The following EEF2 variants were observed in gnomAD, a reference collection of about 807,000 sequenced individuals.
EEF2 encodes eukaryotic translation elongation factor 2, also known as elongation factor 2.
Under a neutral mutation model 85.3 loss-of-function variants are expected in EEF2, and 21 were observed. That is an observed-to-expected ratio of 0.25 (90% CI 0.17 to 0.35). The LOEUF (loss-of-function observed/expected upper bound fraction) is 0.35. Ranked by LOEUF, EEF2 falls within the 10% of genes least tolerant of loss-of-function variation. EEF2 has a pLI of 1.00. For missense variants in EEF2, 825 were observed against 1,225.3 expected (o/e 0.67, Z 4.88); for synonymous variants, 723 against 508.8 (o/e 1.42, Z -5.67).
At chr19:3,981,839 GC>G (rs2145363451) in intron 6 of EEF2, 107 bp downstream of exon 6, 1 of 993,616 alleles carries the variant, frequency 1.0e-6, no homozygotes. Context: ...TCTCGCATCT[GC>G]CCCACAAGGA....
chr19:3,980,961 G>C lies in EEF2; in HGVS notation c.1030C>G (p.Leu344Val). ...PLLKAVMRRW[L>V]PAGDALLQMI... is the part of the protein sequence containing the mutation. Reference sequence around the variant, plus strand: ...TGCAACAAGGCGTCTCCGGCAGGCAGCCAGCGGCGCATCACAGCCTGCGGG... The same window carrying C: ...TGCAACAAGGCGTCTCCGGCAGGCACCCAGCGGCGCATCACAGCCTGCGGG... The change falls in exon 8 of 15, where the codon CTG becomes GTG. Residue 344 changes from leucine (L) to valine (V), a missense_variant. Physicochemically the swap from Leu to Val is conservative, Grantham distance 32. Transcript: ENST00000309311. The C allele has an allele frequency of 1.2e-5, 19 of 1,573,514 alleles. No individual in the cohort carries two copies. Among genetic ancestry groups the C allele is most frequent in the Non-Finnish European group, 1.6e-5 (19 of 1,160,808 alleles).
At position 3,977,077 on chromosome 19, in the gene EEF2, C is replaced by G; in HGVS notation, c.2383+138G>C. Reference sequence around the variant, plus strand: ...GTGATTTAGGGGGTCCACAAGCTGTCAGAAACTGGACCACCTGCTCCATCC... The same window carrying G: ...GTGATTTAGGGGGTCCACAAGCTGTGAGAAACTGGACCACCTGCTCCATCC... On this transcript the variant is annotated intron_variant, in intron 14 of 14. Coordinates refer to ENST00000309311, the MANE Select transcript of EEF2 (RefSeq NM_001961.4). This position sits in a 1 kb window ranked among gnomAD's most constrained non-coding sequence, Gnocchi z 5.4. 2.3e-6 allele frequency: 3 copies of G among 1,313,554 alleles called. No individual in the cohort carries two copies. In the South Asian group the frequency reaches 4.4e-5, roughly 19 times the overall value. The allele number at this position is 1,313,554 out of a possible 1,614,324, so 81.4% of individuals were successfully genotyped here. A position where few individuals can be genotyped will look rare whatever the true frequency, so the allele number is the denominator to read the frequency against.
chr19:3,976,429 C>A lies in EEF2; in HGVS notation c.*125G>T. 8.9e-7 allele frequency: 1 copy of A among 1,126,576 alleles called. No homozygotes were observed. Among genetic ancestry groups the A allele is most frequent in the Non-Finnish European group, 1.2e-6 (1 of 804,248 alleles). The allele number at this position is 1,126,576 out of a possible 1,614,324, so 69.8% of individuals were successfully genotyped here. On this transcript the variant is annotated 3_prime_UTR_variant, in exon 15 of 15. Transcript: ENST00000309311. ...GTTGAGTGATGGCACGCAGCGGGCC[C>A]CAGAAACCTCTCAGGGGAGCGTCGC...
chr19:3,979,762 T>TCC (rs780591593), intron 10 of EEF2, 46 bp downstream of exon 10: 1 of 1,588,400 alleles, frequency 6.3e-7, no homozygotes. Flanking sequence ...ACACAAGCCG[T>TCC]CCCCCCTCAG....
At chr19:3,982,772 C>T (rs542512586) in intron 4 of EEF2, 35 bp downstream of exon 4, 20 of 1,585,616 alleles carry the variant, frequency 1.3e-5, no homozygotes, top group Middle Eastern at 1.7e-4. Context: ...GATCCCGCTG[C>T]GGCAAGCCCA....
At chr19:3,981,166 G>A (rs940527600) in intron 7 of EEF2, among the ~76,000 whole-genome samples, 173 bp downstream of exon 7, 7 of 152,240 alleles carry the variant, frequency 4.6e-5, no homozygotes, top group East Asian at 1.9e-4. Context: ...CACCTGTCCC[G>A]GATGGGGCTG....
chr19:3,977,006 G>A lies in EEF2; in HGVS notation c.2383+209C>T, dbSNP rs913210829. Among the ~76,000 whole-genome samples the A allele has an allele frequency of 3.3e-5, 5 of 152,208 alleles. No individual in the cohort carries two copies. On this transcript the variant is annotated intron_variant, in intron 14 of 14. Transcript: ENST00000309311. This position sits in a 1 kb window ranked among gnomAD's most constrained non-coding sequence, Gnocchi z 5.4. ...AGGCCTTCAGAGCTCCAGGCCCAGA[G>A]CCCTTCTCACACTGGGGATAGGAGA...
chr19:3,985,390 T>C lies in EEF2; in HGVS notation c.-10A>G. ...CAGGGTTACTCACCATGGTGGCGGA[T>C]GGCGGTGGATTCTCCCAGGTAGAAC... On this transcript the variant is annotated 5_prime_UTR_variant, in exon 1 of 15. Transcript: ENST00000309311. The C allele has an allele frequency of 6.6e-7, 1 of 1,512,036 alleles. No individual in the cohort carries two copies. The highest frequency in any genetic ancestry group is 1.3e-5 in the South Asian group (1 of 79,504). The allele number at this position is 1,512,036 out of a possible 1,614,324, so 93.7% of individuals were successfully genotyped here.
chr19:3,983,297 G>A lies in EEF2; in HGVS notation c.219-6C>T, dbSNP rs753675023. 4 of 1,611,992 alleles carry A rather than the reference G, an allele frequency of 2.5e-6. No individual in the cohort carries two copies. Among genetic ancestry groups the A allele is most frequent in the South Asian group, 2.2e-5 (2 of 90,890 alleles). Reference sequence around the variant, plus strand: ...CGTAGAAGAGGGAGATGGCACTGATGGAGGGAGGGACTCGTCAGGGGGACA... The same window carrying A: ...CGTAGAAGAGGGAGATGGCACTGATAGAGGGAGGGACTCGTCAGGGGGACA... On this transcript the variant is annotated splice_polypyrimidine_tract_variant and splice_region_variant and intron_variant, in intron 2 of 14. Transcript: ENST00000309311.
rs756738121 is a variant in EEF2 at position 3,980,637 on chromosome 19, C to G, written c.1223G>C (p.Gly408Ala). Residue 408 changes from glycine to alanine, a missense_variant, in exon 9 of 15, where the codon GGT becomes GCT. By Grantham distance (60) the Gly-to-Ala change is moderately conservative. Coordinates refer to ENST00000309311, the MANE Select transcript of EEF2 (RefSeq NM_001961.4). ...ISKMVPTSDK[G>A]RFYAFGRVFS... ...GACTCGTCCAAAGGCGTAGAACCGA[C>G]CTTTGTCGGAGGTTGGCACCATTTT... The G allele has an allele frequency of 6.2e-7, 1 of 1,614,210 alleles. No homozygotes were observed. The highest frequency in any genetic ancestry group is 1.1e-5 in the South Asian group (1 of 91,090).
chr19:3,981,046 T>C (rs900610238), intron 7 of EEF2, 67 bp from the exon 8 acceptor site: 15 of 1,516,300 alleles, frequency 9.9e-6, no homozygotes, highest in Non-Finnish European at 1.3e-5. Context: ...CCGTACACGC[T>C]TCCTCTCTTG....
chr19:3,977,383 T>C lies in EEF2; in HGVS notation c.2251-36A>G. ...GGAAAGAAAACCTGTCAGTGGCCGC[T>C]GGGCAGGACGGTGGCAGGGTCAGCG... On this transcript the variant is annotated intron_variant, in intron 13 of 14. Coordinates refer to ENST00000309311, the MANE Select transcript of EEF2 (RefSeq NM_001961.4). This position sits in a 1 kb window ranked among gnomAD's most constrained non-coding sequence, Gnocchi z 5.4. The C allele has an allele frequency of 1.9e-6, 3 of 1,591,504 alleles. No individual in the cohort carries two copies. Among genetic ancestry groups the C allele is most frequent in the African/African-American group, 1.3e-5 (1 of 74,868 alleles).
At chr19:3,979,546 A>C (rs1167742268) in intron 10 of EEF2, 110 bp from the exon 11 acceptor site, 1 of 1,051,906 alleles carries the variant, frequency 9.5e-7, no homozygotes, top group Admixed American at 2.3e-5. Context: ...ATTTCAGGGA[A>C]GGTGCTGGGA....
chr19:3,977,112 TC>T lies in EEF2; in HGVS notation c.2383+102del. 2 of 1,494,642 alleles carry T rather than the reference TC, an allele frequency of 1.3e-6. No homozygotes were observed. The highest frequency in any genetic ancestry group is 1.8e-6 in the Non-Finnish European group (2 of 1,110,990). The allele number at this position is 1,494,642 out of a possible 1,614,324, so 92.6% of individuals were successfully genotyped here. A position where few individuals can be genotyped will look rare whatever the true frequency, so the allele number is the denominator to read the frequency against. ...ACCACCTGCTCCATCCATCACCTGCTCCCATCAGGACGCCTCCTTTAACACC... is the reference window on the plus strand; with the variant it reads ...ACCACCTGCTCCATCCATCACCTGCTCCATCAGGACGCCTCCTTTAACACC... On this transcript the variant is annotated intron_variant, in intron 14 of 14. Transcript: ENST00000309311. This position sits in a 1 kb window ranked among gnomAD's most constrained non-coding sequence, Gnocchi z 5.4.
rs569837028 is a variant in EEF2, at chr19:3,980,178, G to A, written c.1347-112C>T. 5.5e-6 allele frequency: 8 copies of A among 1,445,142 alleles called. No individual in the cohort carries two copies. In the African/African-American group the frequency reaches 5.6e-5, roughly 10 times the overall value. The allele number at this position is 1,445,142 out of a possible 1,614,324, so 89.5% of individuals were successfully genotyped here. On this transcript the variant is annotated intron_variant, in intron 9 of 14. Transcript: ENST00000309311. Reference sequence around the variant, plus strand: ...GGCCCTCCTGCCAGGTCCCAGGGCAGACTGGTGGCTTCCACAAGGCCCTGA... The same window carrying A: ...GGCCCTCCTGCCAGGTCCCAGGGCAAACTGGTGGCTTCCACAAGGCCCTGA...
intron 2 of EEF2, among the ~76,000 whole-genome samples, 170 bp from the exon 3 acceptor site, chr19:3,983,461 C>T (rs2039780620): frequency 6.6e-6 from 1 of 152,058 alleles, no homozygotes; most frequent in Non-Finnish European, 1.5e-5. Context: ...ACATGCCACC[C>T]CCATGACAGG....
In EEF2 at chr19:3,979,797, T is replaced by TC. The variant is rs1391494678; in HGVS notation, c.1605+10dup. 1 of 1,608,120 alleles carries TC rather than the reference T, an allele frequency of 6.2e-7. No homozygotes were observed. Among genetic ancestry groups the TC allele is most frequent in the African/African-American group, 1.3e-5 (1 of 74,864 alleles). On this transcript the variant is annotated intron_variant, in intron 10 of 14. Coordinates refer to ENST00000309311, the MANE Select transcript of EEF2 (RefSeq NM_001961.4). ...GGGTGTCTGCTCCCAGCAGGTGCAC[T>TC]CCGTGCCCACCTGCACCATGGGGTC...
chr19:3,977,084 T>A lies in EEF2; in HGVS notation c.2383+131A>T. On this transcript the variant is annotated intron_variant, in intron 14 of 14. Coordinates refer to ENST00000309311, the MANE Select transcript of EEF2 (RefSeq NM_001961.4). The surrounding 1 kb of genome is among the most constrained non-coding windows in gnomAD (Gnocchi z 5.4). ...AGGGGGTCCACAAGCTGTCAGAAAC[T>A]GGACCACCTGCTCCATCCATCACCT... 1 of 1,357,246 alleles carries A rather than the reference T, an allele frequency of 7.4e-7. No homozygotes were observed. 84.1% of individuals were successfully genotyped at this position (1,357,246 alleles called of 1,614,324 possible). A position where few individuals can be genotyped will look rare whatever the true frequency, so the allele number is the denominator to read the frequency against.
Position 3,981,460 on chromosome 19 carries a change from C to A in EEF2, c.898-8G>T. 1.2e-6 allele frequency: 2 copies of A among 1,611,662 alleles called. No homozygotes were observed. Among genetic ancestry groups the A allele is most frequent in the Non-Finnish European group, 1.7e-6 (2 of 1,178,440 alleles). On this transcript the variant is annotated splice_region_variant and splice_polypyrimidine_tract_variant and intron_variant, in intron 6 of 14. Coordinates refer to ENST00000309311, the MANE Select transcript of EEF2 (RefSeq NM_001961.4). Reference sequence around the variant, plus strand: ...CATGATCGCATCAAACACCTACATTCCCCACCAAGAAACAAGAAAGCCCAT... The same window carrying A: ...CATGATCGCATCAAACACCTACATTACCCACCAAGAAACAAGAAAGCCCAT...
Sources: gnomAD v4.1 joint callset for allele counts (sites outside exome capture counted in the v4.1 genomes callset) on GRCh38, gnomAD v4.1.1 for gene constraint, Gnocchi (gnomAD v3.1) non-coding constraint, MANE v1.5 for transcripts, NCBI Gene and HGNC (gene_info 2026-07-23, HGNC 2026-07-21) for gene names.